Variants in CCDC7 observed in about 807,000 individuals in gnomAD.
The protein encoded by CCDC7 is coiled-coil domain containing 7.
Under a neutral mutation model 196.9 loss-of-function variants are expected in CCDC7, and 183 were observed. The ratio of observed to expected loss-of-function variants is 0.93; its 90% CI spans 0.82 to 1.05. The LOEUF (loss-of-function observed/expected upper bound fraction) is 1.05. Among genes scored for constraint, CCDC7 ranks in the 50% least tolerant of loss-of-function variants. The pLI is 0.00. For synonymous variants in CCDC7, 525 were observed against 484.6 expected, an observed-to-expected ratio of 1.08 and a Z score of -1.10; for missense variants, 1,540 against 1,482.2, an observed-to-expected ratio of 1.04 and a Z score of -0.64.
intron 9 of CCDC7, among the ~76,000 whole-genome samples, chr10:32,504,269 A>G (rs1223886382): frequency 6.6e-6 from 1 of 151,888 alleles, no homozygotes; most frequent in Admixed American, 6.6e-5. Context: ...GGTGCCTGCC[A>G]CAACGCCCGG....
chr10:32,672,010 G>T (rs753133015), intron 21 of CCDC7, among the ~76,000 whole-genome samples: 1 of 152,090 alleles, frequency 6.6e-6, no homozygotes, highest in African/African-American at 2.4e-5. Context: ...CTTGGTTCCG[G>T]GTCTGACTTG....
intron 9 of CCDC7, among the ~76,000 whole-genome samples, chr10:32,503,839 A>T (rs993022317): frequency 6.6e-6 from 1 of 151,762 alleles, no homozygotes; most frequent in African/African-American, 2.4e-5. Context: ...CTATTTCTTC[A>T]GTCTTGGTAG....
intron 13 of CCDC7, among the ~76,000 whole-genome samples, chr10:32,562,390 T>A (rs1045419944): frequency 2.4e-4 from 37 of 152,228 alleles, no homozygotes; most frequent in African/African-American, 8.9e-4. Flanking sequence ...AACATTGATG[T>A]AAAAATCCTC....
intron 21 of CCDC7, among the ~76,000 whole-genome samples, chr10:32,669,365 G>A (rs1463338166): frequency 6.6e-6 from 1 of 152,056 alleles, no homozygotes; most frequent in Admixed American, 6.6e-5. Context: ...TAGTGTCCTT[G>A]TCTGGCTTTG....
intron 41 of CCDC7, among the ~76,000 whole-genome samples, chr10:32,869,558 C>G (rs1010771544): frequency 7.2e-5 from 11 of 152,142 alleles, no homozygotes; most frequent in Admixed American, 5.2e-4. Flanking sequence ...TGCAGAAGCT[C>G]TTTCGTTTAA....
chr10:32,557,465 T>C (rs1347934807), intron 13 of CCDC7, among the ~76,000 whole-genome samples: 1 of 152,148 alleles, frequency 6.6e-6, no homozygotes, highest in Non-Finnish European at 1.5e-5. Context: ...CTTTTCCTTA[T>C]GGGATACAAT....
In CCDC7 at chr10:32,499,757, G is replaced by A. The variant is rs560043525; in HGVS notation, c.872+7760G>A. 2.0e-4 allele frequency among the ~76,000 whole-genome samples: 30 copies of A among 152,218 alleles called. No individual in the cohort carries two copies. In the South Asian group the frequency reaches 5.6e-3, roughly 28 times the overall value. On this transcript the variant is annotated intron_variant, in intron 9 of 41. Coordinates refer to ENST00000639629, the Ensembl canonical transcript of CCDC7. ...TAGGCAGAGGGCCCTGCCGCCTTCC[G>A]CAGTGTTTGTGTCCCTGGGTACTTG...
chr10:32,778,050 T>A (rs1379890423), intron 28 of CCDC7, among the ~76,000 whole-genome samples: 4 of 152,210 alleles, frequency 2.6e-5, no homozygotes. Context: ...TATTTGTTTT[T>A]TGCTTGTTGG....
intron 13 of CCDC7, among the ~76,000 whole-genome samples, chr10:32,555,595 C>T (rs975824627): frequency 1.3e-5 from 2 of 152,030 alleles, no homozygotes; most frequent in Non-Finnish European, 2.9e-5. Context: ...GTCATAAGGC[C>T]AGTCCATATT....
intron 14 of CCDC7, 54 bp from the exon 16 acceptor site, chr10:32,567,616 T>C (rs966388365): frequency 1.3e-6 from 2 of 1,523,934 alleles, no homozygotes; most frequent in African/African-American, 1.4e-5. Context: ...TGTGGTAGTA[T>C]TGGCAGGAAA....
intron 25 of CCDC7, among the ~76,000 whole-genome samples, chr10:32,717,987 T>G (rs1368707592): frequency 6.6e-6 from 1 of 151,716 alleles, no homozygotes; most frequent in East Asian, 1.9e-4. Context: ...CTTCTGAAAC[T>G]ATTCCAAACA....
At chr10:32,768,912 G>C (rs1196457455) in intron 28 of CCDC7, among the ~76,000 whole-genome samples, 1 of 152,052 alleles carries the variant, frequency 6.6e-6, no homozygotes, top group East Asian at 1.9e-4. Flanking sequence ...ATTGGATTTG[G>C]TTTGCTAGCA....
chr10:32,448,294 CAT>C (rs975021096), upstream of CCDC7, among the ~76,000 whole-genome samples: 5 of 151,786 alleles, frequency 3.3e-5, no homozygotes, highest in Admixed American at 2.6e-4. Flanking sequence ...TCCCTGGCCC[CAT>C]ATATATTATA....
At chr10:32,795,837 G>C (rs534078499) in intron 29 of CCDC7, among the ~76,000 whole-genome samples, 1 of 152,140 alleles carries the variant, frequency 6.6e-6, no homozygotes, top group Admixed American at 6.5e-5. Flanking sequence ...CTCAAAGTGG[G>C]GGTTCCCAAA....
intron 21 of CCDC7, among the ~76,000 whole-genome samples, chr10:32,678,151 C>T (rs1405890202): frequency 6.6e-6 from 1 of 151,894 alleles, no homozygotes; most frequent in Non-Finnish European, 1.5e-5. Flanking sequence ...TAGCTGTATT[C>T]TATTTTAGTT....
rs535309084 is a variant in CCDC7 at position 32,678,521 on chromosome 10, A to G, written c.2123-7449A>G. Among the ~76,000 whole-genome samples the G allele has an allele frequency of 3.9e-5, 6 of 152,174 alleles. No individual in the cohort carries two copies. The East Asian group carries it at 7.7e-4, about 20-fold the overall frequency. On this transcript the variant is annotated intron_variant, in intron 21 of 41. Coordinates refer to ENST00000639629, the Ensembl canonical transcript of CCDC7. ...TACTGCTGTGATTTGTGTGTCAGCT[A>G]TTGGATCCATACTGTTTCTTGAGAG...
intron 9 of CCDC7, among the ~76,000 whole-genome samples, chr10:32,504,858 C>T (rs2135093688): frequency 6.6e-6 from 1 of 152,294 alleles, no homozygotes; most frequent in South Asian, 2.1e-4. Flanking sequence ...CATATTCACT[C>T]AAGGAGAACG....
chr10:32,571,556 T>G (rs370816682), intron 15 of CCDC7, among the ~76,000 whole-genome samples: 1 of 152,180 alleles, frequency 6.6e-6, no homozygotes, highest in Non-Finnish European at 1.5e-5. Flanking sequence ...AGCTATTTTC[T>G]TGTACTCTGT....
intron 30 of CCDC7, among the ~76,000 whole-genome samples, chr10:32,805,856 T>G (rs977065334): frequency 2.6e-5 from 4 of 152,160 alleles, no homozygotes; most frequent in Admixed American, 6.5e-5. Context: ...GGGTAATTTA[T>G]AAAGAAAAGA....
Sources: allele counts gnomAD v4.1 joint callset (sites outside exome capture counted in the v4.1 genomes callset), GRCh38; gene constraint gnomAD v4.1.1; transcripts MANE v1.5; gene names NCBI Gene and HGNC (gene_info 2026-07-23, HGNC 2026-07-21).